AMOTL1: variants seen among roughly 807,000 people sequenced by gnomAD.
The protein encoded by AMOTL1 is angiomotin-like protein 1.
Under a neutral mutation model 102.9 loss-of-function variants are expected in AMOTL1, and 45 were observed. The ratio of observed to expected loss-of-function variants is 0.44; its 90% CI spans 0.34 to 0.56. AMOTL1 has a LOEUF of 0.56. Ranked by LOEUF, AMOTL1 falls within the 20% of genes least tolerant of loss-of-function variation. AMOTL1 has a pLI of 0.01. For synonymous variants in AMOTL1, 481 were observed against 484.7 expected (o/e 0.99, Z 0.10); for missense variants, 1,114 against 1,225.6 (o/e 0.91, Z 1.36).
At chr11:94,813,514 C>T (rs1053335135) in intron 3 of AMOTL1, among the ~76,000 whole-genome samples, 3 of 152,194 alleles carry the variant, frequency 2.0e-5, no homozygotes, top group Admixed American at 6.5e-5. Flanking sequence ...TGCAACCATC[C>T]GCAGTTTTCA....
intron 1 of AMOTL1, among the ~76,000 whole-genome samples, chr11:94,779,612 T>A (rs778267777): frequency 6.6e-6 from 1 of 152,168 alleles, no homozygotes; most frequent in Non-Finnish European, 1.5e-5. Context: ...TTTTCCCCTT[T>A]AAGACATTGT....
chr11:94,796,563 TG>T (rs1951369945), intron 2 of AMOTL1, among the ~76,000 whole-genome samples: 1 of 152,238 alleles, frequency 6.6e-6, no homozygotes, highest in African/African-American at 2.4e-5. Context: ...TCTAAATGGC[TG>T]GCAAGGAGAG....
intron 1 of AMOTL1, among the ~76,000 whole-genome samples, chr11:94,792,546 G>C (rs998515602): frequency 2.0e-5 from 3 of 152,232 alleles, no homozygotes; most frequent in Non-Finnish European, 4.4e-5. Flanking sequence ...CTTGGCTTTA[G>C]ACGAGTGGAT....
At chr11:94,739,757 C>T (rs1950490266) in intron 2 of AMOTL1, among the ~76,000 whole-genome samples, 1 of 152,182 alleles carries the variant, frequency 6.6e-6, no homozygotes, top group Admixed American at 6.5e-5. Context: ...CTCTGGAGCA[C>T]ACCCCAAGTC....
At chr11:94,739,461 G>A (rs916446727) in intron 2 of AMOTL1, among the ~76,000 whole-genome samples, 14 of 152,166 alleles carry the variant, frequency 9.2e-5, no homozygotes, top group Admixed American at 7.2e-4. Flanking sequence ...AATGCTGGCC[G>A]AAGGGGCTTT....
intron 3 of AMOTL1, among the ~76,000 whole-genome samples, chr11:94,754,608 C>A (rs1950698898): frequency 6.6e-6 from 1 of 152,186 alleles, no homozygotes; most frequent in South Asian, 2.1e-4. Context: ...CATTTCACTC[C>A]TTTTTCCATC....
At chr11:94,743,709 A>C (rs1591921646) in intron 3 of AMOTL1, among the ~76,000 whole-genome samples, 1 of 114,240 alleles carries the variant, frequency 8.8e-6, no homozygotes, top group Admixed American at 1.4e-4. Flanking sequence ...CCCAGATGGG[A>C]GTGCAATGGC....
chr11:94,709,031 G>C (rs1260421591), intron 1 of AMOTL1, among the ~76,000 whole-genome samples: 2 of 152,172 alleles, frequency 1.3e-5, no homozygotes, highest in African/African-American at 4.8e-5. Context: ...ATTTAGAGTG[G>C]CTTAAGGATG....
intron 5 of AMOTL1, among the ~76,000 whole-genome samples, chr11:94,831,200 A>T (rs748230572): frequency 6.6e-6 from 1 of 151,964 alleles, no homozygotes; most frequent in Admixed American, 6.6e-5. Flanking sequence ...TTTTCTCAGC[A>T]CCTCTCCCTA....
At chr11:94,771,769 T>C (rs114235305) in intron 1 of AMOTL1, among the ~76,000 whole-genome samples, 242 of 152,256 alleles carry the variant, frequency 1.6e-3, no homozygotes, top group African/African-American at 5.6e-3. Flanking sequence ...TTTTGGACAC[T>C]CAGGACAGGA....
intron 3 of AMOTL1, among the ~76,000 whole-genome samples, chr11:94,747,853 A>G (rs949688072): frequency 6.6e-6 from 1 of 152,192 alleles, no homozygotes; most frequent in African/African-American, 2.4e-5. Flanking sequence ...GTGAGCAAGA[A>G]TGTTCACCCT....
At chr11:94,867,168 G>A (rs557303153) in intron 11 of AMOTL1, among the ~76,000 whole-genome samples, 4 of 152,260 alleles carry the variant, frequency 2.6e-5, no homozygotes, top group South Asian at 2.1e-4. Flanking sequence ...ATATGAACCC[G>A]ACAGAGTTGG....
In AMOTL1 at chr11:94,875,298, G is replaced by A. The variant is rs1396355885; in HGVS notation, c.*4503G>A. 1 of 152,146 alleles carries A rather than the reference G, an allele frequency of 6.6e-6. No individual in the cohort carries two copies. The highest frequency in any genetic ancestry group is 1.9e-4 in the East Asian group (1 of 5,202). The allele number at this position is 152,146 out of a possible 1,614,324, so 9.4% of individuals were successfully genotyped here. A position where few individuals can be genotyped will look rare whatever the true frequency, so the allele number is the denominator to read the frequency against. The stretch of plus-strand genomic sequence containing the variant: ...GCATTTCAGTAGTGAATTTCTCCTG[G>A]AACAAATGAGCAATTTTTCCTCTTT... On this transcript the variant is annotated 3_prime_UTR_variant, in exon 13 of 13. Transcript: ENST00000433060.
rs148089305 is a variant in AMOTL1, at chr11:94,722,898, G to C, written c.-50-6023G>C. On this transcript the variant is annotated intron_variant, in intron 1 of 4. Coordinates refer to the AMOTL1 transcript ENST00000299004. Reference sequence around the variant, plus strand: ...AAGCTCTGGGGAGATAAGGTGATTTGTCCTGAGTCATTACATTAAAAAGCC... The same window carrying C: ...AAGCTCTGGGGAGATAAGGTGATTTCTCCTGAGTCATTACATTAAAAAGCC... Among the ~76,000 whole-genome samples, 535 of 152,220 alleles carry C rather than the reference G, an allele frequency of 3.5e-3. 3 individuals are homozygous for C. Among genetic ancestry groups the C allele is most frequent in the African/African-American group, 0.011 (476 of 41,546 alleles).
At chr11:94,862,682 C>T (rs1214286584) in intron 9 of AMOTL1, among the ~76,000 whole-genome samples, 1 of 152,170 alleles carries the variant, frequency 6.6e-6, no homozygotes, top group Non-Finnish European at 1.5e-5. Flanking sequence ...TGTTTGCTCT[C>T]CTTACTTGGC....
At chr11:94,714,212 C>CCTTA (rs1212484611) in intron 1 of AMOTL1, among the ~76,000 whole-genome samples, 1 of 151,918 alleles carries the variant, frequency 6.6e-6, no homozygotes, top group African/African-American at 2.4e-5. Flanking sequence ...ATTGAACCAG[C>CCTTA]CTTACATAGC....
chr11:94,851,534 T>A (rs555431081), intron 7 of AMOTL1, among the ~76,000 whole-genome samples: 2 of 152,190 alleles, frequency 1.3e-5, no homozygotes, highest in Non-Finnish European at 2.9e-5. Flanking sequence ...TTAATTCAGT[T>A]CAGATACTGA....
intron 1 of AMOTL1, among the ~76,000 whole-genome samples, chr11:94,728,193 T>C (rs76544644): frequency 3.0e-4 from 46 of 152,258 alleles, no homozygotes; most frequent in Non-Finnish European, 3.8e-4. Context: ...CTTTGTAATA[T>C]GGGCAAGAGT....
At chr11:94,807,498 G>A (rs1951585870) in intron 3 of AMOTL1, among the ~76,000 whole-genome samples, 1 of 151,736 alleles carries the variant, frequency 6.6e-6, no homozygotes, top group Admixed American at 6.6e-5. Context: ...TTTTTAAGTA[G>A]CCATACATGT....
Sources: gnomAD v4.1 joint callset for allele counts (sites outside exome capture counted in the v4.1 genomes callset) on GRCh38, gnomAD v4.1.1 for gene constraint, MANE v1.5 for transcripts, NCBI Gene and HGNC (gene_info 2026-07-23, HGNC 2026-07-21) for gene names.